The following ITPK1 variants were observed in gnomAD, a reference collection of about 807,000 sequenced individuals.
The protein encoded by ITPK1 is inositol-tetrakisphosphate 1-kinase, also known as inositol 1,3,4-trisphosphate 5/6-kinase.
Under a neutral mutation model 45.3 loss-of-function variants are expected in ITPK1, and 21 were observed. The ratio of observed to expected loss-of-function variants is 0.46; its 90% CI spans 0.33 to 0.67. The LOEUF (loss-of-function observed/expected upper bound fraction) is 0.67, where lower values mean the gene tolerates loss of function less well. Ranked by LOEUF, ITPK1 falls within the 30% of genes least tolerant of loss-of-function variation. The pLI, the probability that ITPK1 is intolerant of heterozygous loss-of-function variation, is 0.02. For missense variants in ITPK1, 474 were observed against 573.5 expected, an observed-to-expected ratio of 0.83 and a Z score of 1.77; for synonymous variants, 258 against 253.6, an observed-to-expected ratio of 1.02 and a Z score of -0.16.
chr14:93,105,948 G>T (rs537585979), intron 2 of ITPK1, among the ~76,000 whole-genome samples: 89 of 151,974 alleles, frequency 5.9e-4, no homozygotes, highest in South Asian at 1.2e-3. Flanking sequence ...CAGGTGATCC[G>T]CCCGCCTCAG....
At chr14:92,994,979 C>T (rs981946081) in intron 4 of ITPK1, among the ~76,000 whole-genome samples, 1 of 152,210 alleles carries the variant, frequency 6.6e-6, no homozygotes, top group Non-Finnish European at 1.5e-5. Flanking sequence ...AATCTGAACA[C>T]AGACGCAGGG....
At chr14:93,057,005 T>A (rs1351522126) in intron 3 of ITPK1, among the ~76,000 whole-genome samples, 1 of 152,156 alleles carries the variant, frequency 6.6e-6, no homozygotes, top group Non-Finnish European at 1.5e-5. Flanking sequence ...GCACATCACA[T>A]AACTGCTCAC....
chr14:93,002,633 T>C (rs140974509), intron 4 of ITPK1, among the ~76,000 whole-genome samples: 2 of 152,198 alleles, frequency 1.3e-5, no homozygotes, highest in African/African-American at 4.8e-5. Context: ...CCGGGTGTGT[T>C]CCATTTGGGG....
chr14:92,941,934 GC>G, intron 10 of ITPK1, 30 bp from the exon 11 acceptor site: 3 of 1,595,774 alleles, frequency 1.9e-6, no homozygotes, highest in Non-Finnish European at 2.6e-6. Flanking sequence ...AGCACAAGGG[GC>G]GTGAGCCAGG....
chr14:93,086,710 G>A (rs1891663919), intron 2 of ITPK1, among the ~76,000 whole-genome samples: 2 of 152,226 alleles, frequency 1.3e-5, no homozygotes, highest in South Asian at 4.1e-4. Flanking sequence ...CCAGGCCCTG[G>A]AGGGGAGGGA....
intron 3 of ITPK1, among the ~76,000 whole-genome samples, chr14:93,075,575 T>G (rs1027114608): frequency 1.3e-5 from 2 of 152,012 alleles, no homozygotes; most frequent in Non-Finnish European, 2.9e-5. Flanking sequence ...CCAGCCCCAG[T>G]CTGGTCCCAG....
chr14:93,019,807 G>T (rs918990308), intron 3 of ITPK1, among the ~76,000 whole-genome samples: 1 of 152,186 alleles, frequency 6.6e-6, no homozygotes, highest in African/African-American at 2.4e-5. Context: ...CTGTGCAGGG[G>T]GATGCCCGGG....
rs571252462 is a variant in ITPK1, at chr14:93,054,704, G to A, written c.120+21891C>T. ...TGGCAAGGAGAGCTTCAGGAGGGGC[G>A]GTGGCCATGTCCTGATATGTACGGT... On this transcript the variant is annotated intron_variant, in intron 3 of 10. Coordinates refer to ENST00000267615, the MANE Select transcript of ITPK1 (RefSeq NM_014216.6). Among the ~76,000 whole-genome samples the A allele has an allele frequency of 3.3e-5, 5 of 152,252 alleles. 1 individual carries two copies. The highest frequency in any genetic ancestry group is 2.1e-4 in the South Asian group (1 of 4,824).
At chr14:92,996,093 C>T (rs1261665035) in intron 4 of ITPK1, among the ~76,000 whole-genome samples, 2 of 152,152 alleles carry the variant, frequency 1.3e-5, no homozygotes, top group Non-Finnish European at 2.9e-5. Flanking sequence ...CACAGCCCAA[C>T]ATTAATAGCT....
At chr14:93,041,263 G>C (rs556291722) in intron 3 of ITPK1, among the ~76,000 whole-genome samples, 1 of 152,278 alleles carries the variant, frequency 6.6e-6, no homozygotes, top group South Asian at 2.1e-4. Flanking sequence ...CAGGCCCTCT[G>C]TCCTACAAAG....
chr14:92,974,488 CT>C (rs1409467517), intron 5 of ITPK1, among the ~76,000 whole-genome samples: 1 of 152,206 alleles, frequency 6.6e-6, no homozygotes, highest in Non-Finnish European at 1.5e-5. Context: ...CTCGCAGCCC[CT>C]TGTAGCTAAT....
intron 3 of ITPK1, among the ~76,000 whole-genome samples, chr14:93,054,998 C>A (rs1595172647): frequency 6.6e-6 from 1 of 152,292 alleles, no homozygotes; most frequent in African/African-American, 2.4e-5. Context: ...CCAAAGGTGA[C>A]CGCCAGCCTG....
intron 3 of ITPK1, among the ~76,000 whole-genome samples, chr14:93,061,197 A>C (rs1890504408): frequency 6.6e-6 from 1 of 152,212 alleles, no homozygotes; most frequent in African/African-American, 2.4e-5. Context: ...ATTCCTCAAC[A>C]CAGATCTGGG....
chr14:93,005,678 C>T (rs1479266966), intron 4 of ITPK1, among the ~76,000 whole-genome samples: 1 of 152,202 alleles, frequency 6.6e-6, no homozygotes, highest in Non-Finnish European at 1.5e-5. Context: ...AGAAACCGGA[C>T]AACAGCCAAA....
chr14:92,984,047 A>G (rs1369315528), intron 5 of ITPK1, among the ~76,000 whole-genome samples: 1 of 152,238 alleles, frequency 6.6e-6, no homozygotes, highest in African/African-American at 2.4e-5. Context: ...AAATGTACAC[A>G]TTGCACTAGA....
intron 4 of ITPK1, among the ~76,000 whole-genome samples, chr14:93,003,889 CTT>C (rs1887480574): frequency 6.6e-6 from 1 of 152,256 alleles, no homozygotes; most frequent in Non-Finnish European, 1.5e-5. Flanking sequence ...CTGAAAGTCA[CTT>C]AAGTTATCTG....
At chr14:92,969,020 C>T (rs1268574450) in intron 5 of ITPK1, among the ~76,000 whole-genome samples, 1 of 152,168 alleles carries the variant, frequency 6.6e-6, no homozygotes, top group South Asian at 2.1e-4. Flanking sequence ...CTGGGCATGA[C>T]AGGCTGCTAT....
At chr14:93,040,684 C>T (rs13379225) in intron 3 of ITPK1, among the ~76,000 whole-genome samples, 24 of 152,094 alleles carry the variant, frequency 1.6e-4, no homozygotes, top group Admixed American at 5.2e-4. Context: ...CCCTCTCCCC[C>T]CCGCAGGAGG....
At chr14:93,071,648 G>A (rs938419992) in intron 3 of ITPK1, 2 of 151,986 alleles carry the variant, frequency 1.3e-5, no homozygotes, top group African/African-American at 4.8e-5. Context: ...TTAGAGATTC[G>A]CCATCATCCA....
Sources: allele counts gnomAD v4.1 joint callset (sites outside exome capture counted in the v4.1 genomes callset), GRCh38; gene constraint gnomAD v4.1.1; transcripts MANE v1.5; gene names NCBI Gene and HGNC (gene_info 2026-07-23, HGNC 2026-07-21).